The following EYS variants were observed in gnomAD, a reference collection of about 807,000 sequenced individuals.
EYS encodes protein eyes shut homolog.
A neutral mutation model predicts 282.1 loss-of-function variants in EYS; 250 were observed. The ratio of observed to expected loss-of-function variants is 0.89; its 90% CI spans 0.80 to 0.98. EYS has a LOEUF of 0.98. Among genes scored for constraint, EYS ranks in the 50% least tolerant of loss-of-function variants. EYS has a pLI of 0.00. For missense variants in EYS, 4,016 were observed against 3,709.0 expected (o/e 1.08, Z -2.15); for synonymous variants, 1,355 against 1,282.9 (o/e 1.06, Z -1.20).
intron 1 of EYS, among the ~76,000 whole-genome samples, chr6:65,671,125 C>T (rs962747224): frequency 1.3e-5 from 2 of 152,112 alleles, no homozygotes; most frequent in African/African-American, 4.8e-5. Flanking sequence ...TTCTATTTCT[C>T]CTGTTCCAGC....
At chr6:65,046,267 T>G (rs1773096456) in intron 13 of EYS, among the ~76,000 whole-genome samples, 1 of 151,910 alleles carries the variant, frequency 6.6e-6, no homozygotes, top group African/African-American at 2.4e-5. Context: ...AGTGCCTAAA[T>G]TTTTATAATG....
chr6:64,178,055 GGTTT>G (rs1323872371), intron 31 of EYS, among the ~76,000 whole-genome samples: 3 of 151,956 alleles, frequency 2.0e-5, no homozygotes, highest in Non-Finnish European at 4.4e-5. Context: ...TTCTTCCCTA[GGTTT>G]GTTTTTTTCT....
intron 22 of EYS, among the ~76,000 whole-genome samples, chr6:64,771,506 G>A (rs1773521128): frequency 6.6e-6 from 1 of 151,106 alleles, no homozygotes; most frequent in African/African-American, 2.4e-5. Context: ...ATTATAAATT[G>A]CTATTAAGTT....
rs1240142988 is a variant in EYS at position 65,620,995 on chromosome 6, G to A, written c.-333+18783C>T. Among the ~76,000 whole-genome samples, 4 of 152,110 alleles carry A rather than the reference G, an allele frequency of 2.6e-5. No individual in the cohort carries two copies. The East Asian group carries it at 7.7e-4, about 29-fold the overall frequency. On this transcript the variant is annotated intron_variant, in intron 2 of 42. Transcript: ENST00000503581. ...CAACTATGTGGTCAATTTTGGAATA[G>A]GTGTGGTGTGGTGCTGAAAAAAATG...
chr6:65,212,087 A>G (rs546046332), intron 12 of EYS, among the ~76,000 whole-genome samples: 1 of 106,196 alleles, frequency 9.4e-6, no homozygotes, highest in African/African-American at 2.6e-5. Flanking sequence ...TTATGCCAGA[A>G]AAAAAAAATT....
At chr6:63,970,612 G>A (rs1383750260) in intron 35 of EYS, among the ~76,000 whole-genome samples, 3 of 150,702 alleles carry the variant, frequency 2.0e-5, no homozygotes. Flanking sequence ...TCCAGCCTGG[G>A]GGCCAGAGCA....
At position 64,201,116 on chromosome 6, in the gene EYS, C is replaced by T. The variant is rs996538562; in HGVS notation, c.6424+29476G>A. Among the ~76,000 whole-genome samples the T allele has an allele frequency of 3.9e-5, 6 of 151,968 alleles. No individual in the cohort carries two copies. In the East Asian group the frequency reaches 7.7e-4, roughly 19 times the overall value. ...TAAAGTATTTTAGTATAGGTTTTGC[C>T]AGATGAAGGAGAGTTGACATATTAA... is the stretch of plus-strand genomic sequence containing the variant. On this transcript the variant is annotated intron_variant, in intron 31 of 42. Coordinates refer to ENST00000503581, the MANE Select transcript of EYS (RefSeq NM_001142800.2).
chr6:65,388,797 A>G (rs1359603990), intron 7 of EYS, among the ~76,000 whole-genome samples: 4 of 152,116 alleles, frequency 2.6e-5, no homozygotes, highest in Non-Finnish European at 5.9e-5. Context: ...GTGGATAAAA[A>G]ATGATAAACA....
chr6:64,395,467 T>C (rs1411051306), intron 28 of EYS, among the ~76,000 whole-genome samples: 4 of 152,132 alleles, frequency 2.6e-5, no homozygotes, highest in East Asian at 1.9e-4. Context: ...AAATGATGAG[T>C]TCGTGTCCTT....
At chr6:65,054,156 T>A (rs140553756) in intron 13 of EYS, among the ~76,000 whole-genome samples, 1 of 152,002 alleles carries the variant, frequency 6.6e-6, no homozygotes, top group African/African-American at 2.4e-5. Context: ...GGAAAGTCTT[T>A]CCTATTAGCA....
chr6:63,740,143 A>C (rs547207003), intron 41 of EYS, among the ~76,000 whole-genome samples: 2 of 152,340 alleles, frequency 1.3e-5, no homozygotes, highest in African/African-American at 4.8e-5. Flanking sequence ...GATGTTAATT[A>C]AGACCCTGAT....
chr6:64,395,168 T>G (rs1773316717), intron 28 of EYS, among the ~76,000 whole-genome samples: 1 of 151,938 alleles, frequency 6.6e-6, no homozygotes, highest in Non-Finnish European at 1.5e-5. Flanking sequence ...ATAGGAACAC[T>G]TTTACACTGT....
chr6:63,991,519 A>G (rs548470362), intron 34 of EYS, among the ~76,000 whole-genome samples: 1 of 151,672 alleles, frequency 6.6e-6, no homozygotes, highest in East Asian at 2.0e-4. Context: ...ATGAAAGAGG[A>G]CCAACCAAAA....
At chr6:65,236,820 T>G (rs1766938446) in intron 12 of EYS, among the ~76,000 whole-genome samples, 1 of 152,134 alleles carries the variant, frequency 6.6e-6, no homozygotes, top group Admixed American at 6.6e-5. Flanking sequence ...CACAGCAACT[T>G]AGGACCACTT....
At chr6:64,760,824 A>T (rs982815954) in intron 22 of EYS, among the ~76,000 whole-genome samples, 8 of 152,202 alleles carry the variant, frequency 5.3e-5, no homozygotes, top group Non-Finnish European at 8.8e-5. Flanking sequence ...ACAAAGTCAG[A>T]GGCTGACTCA....
intron 13 of EYS, among the ~76,000 whole-genome samples, chr6:65,000,947 G>A (rs897299032): frequency 3.3e-5 from 5 of 152,298 alleles, no homozygotes; most frequent in South Asian, 2.1e-4. Context: ...CAGGACATGC[G>A]ACAGGGGTGT....
At chr6:63,942,407 A>G (rs1765269542) in intron 35 of EYS, among the ~76,000 whole-genome samples, 1 of 152,210 alleles carries the variant, frequency 6.6e-6, no homozygotes, top group African/African-American at 2.4e-5. Flanking sequence ...GTTTCAATAT[A>G]GGATCTTGGA....
rs183595638 is a variant in EYS at position 64,196,903 on chromosome 6, A to T, written c.6424+33689T>A. Among the ~76,000 whole-genome samples, 814 of 152,226 alleles carry T rather than the reference A, an allele frequency of 5.3e-3. 5 individuals are homozygous for T. The highest frequency in any genetic ancestry group is 0.013 in the African/African-American group (559 of 41,552). The stretch of plus-strand genomic sequence containing the variant: ...AAAACTTAAAGTATAATAATAATTT[A>T]AAAAAATTGTAATATTTGAAGTCAT... On this transcript the variant is annotated intron_variant, in intron 31 of 42. Coordinates refer to ENST00000503581, the MANE Select transcript of EYS (RefSeq NM_001142800.2).
At chr6:64,346,087 C>T (rs1189432795) in intron 29 of EYS, among the ~76,000 whole-genome samples, 5 of 151,962 alleles carry the variant, frequency 3.3e-5, no homozygotes, top group Non-Finnish European at 5.9e-5. Flanking sequence ...AATAGGAACA[C>T]TTGTACACTG....
Sources: allele counts gnomAD v4.1 joint callset (sites outside exome capture counted in the v4.1 genomes callset), GRCh38; gene constraint gnomAD v4.1.1; transcripts MANE v1.5; gene names NCBI Gene and HGNC (gene_info 2026-07-23, HGNC 2026-07-21).